The following NFKBIB variants were observed in gnomAD, a reference collection of about 807,000 sequenced individuals.
NFKBIB encodes the protein NF-kappa-B inhibitor beta.
Under a neutral mutation model 32.1 loss-of-function variants are expected in NFKBIB, and 16 were observed. The ratio of observed to expected loss-of-function variants is 0.50; its 90% CI spans 0.34 to 0.76. The LOEUF (loss-of-function observed/expected upper bound fraction) is 0.76, where lower values mean the gene tolerates loss of function less well. NFKBIB is among the 30% of genes least tolerant of loss of function. The pLI is 0.01. For missense variants in NFKBIB, 437 were observed against 514.9 expected, an observed-to-expected ratio of 0.85 and a Z score of 1.46; for synonymous variants, 222 against 219.5, an observed-to-expected ratio of 1.01 and a Z score of -0.10.
intron 1 of NFKBIB, among the ~76,000 whole-genome samples, chr19:38,901,214 T>A (rs1418596877): frequency 6.7e-6 from 1 of 149,656 alleles, no homozygotes; most frequent in African/African-American, 2.6e-5. Flanking sequence ...ACCAGCTTTA[T>A]AGTCTCGTTA....
At position 38,908,832 on chromosome 19, in the gene NFKBIB, ATTTG is replaced by A; in HGVS notation, c.*4_*7del. ...TTCCTGACGACCCCCGCCCCGTGTG[ATTTG>A]TTTCATTGTTAATATAATTTCCAGT... On this transcript the variant is annotated 3_prime_UTR_variant, in exon 6 of 6. Transcript: ENST00000313582. The A allele has an allele frequency of 6.2e-7, 1 of 1,610,004 alleles. No homozygotes were observed.
chr19:38,904,943 C>T, intron 1 of NFKBIB, 72 bp from the exon 2 acceptor site: 1 of 1,432,474 alleles, frequency 7.0e-7, no homozygotes, highest in African/African-American at 1.4e-5. Context: ...ACAGTAGGCG[C>T]CCCATGTTTG....
upstream of NFKBIB, chr19:38,899,926 T>C (rs1488659163): frequency 1.7e-6 from 2 of 1,167,956 alleles, no homozygotes; most frequent in Admixed American, 2.9e-5. Context: ...ATTGGGTGAA[T>C]CAGGGGGCGT....
chr19:38,900,105 G>T lies in NFKBIB; in HGVS notation c.73G>T (p.Gly25Cys). 1 of 1,571,142 alleles carries T rather than the reference G, an allele frequency of 6.4e-7. No individual in the cohort carries two copies. Among genetic ancestry groups the T allele is most frequent in the Non-Finnish European group, 8.6e-7 (1 of 1,163,460 alleles). Residue 25 changes from glycine to cysteine, a missense_variant, in exon 1 of 6, where the codon GGT becomes TGT. Coordinates refer to ENST00000313582, the MANE Select transcript of NFKBIB (RefSeq NM_002503.5). ...GTGCGACAGCGGCCTGGGCTCCCTG[G>T]GTCCGGACGCAGCGGCCCCCGGAGG... is the stretch of plus-strand genomic sequence containing the variant. ...EWCDSGLGSL[G>C]PDAAAPGGPG...
intron 1 of NFKBIB, among the ~76,000 whole-genome samples, chr19:38,901,221 GTTAA>G (rs1463133034): frequency 2.0e-5 from 3 of 148,900 alleles, no homozygotes; most frequent in Non-Finnish European, 2.9e-5. Context: ...TTATAGTCTC[GTTAA>G]TTTTCATTAA....
upstream of NFKBIB, chr19:38,899,873 G>A (rs201159769): frequency 2.6e-6 from 2 of 771,560 alleles, no homozygotes; most frequent in Non-Finnish European, 4.1e-6. Flanking sequence ...GATTGGTCAG[G>A]ATGCAGTACG....
At chr19:38,901,200 C>T (rs1012328111) in intron 1 of NFKBIB, among the ~76,000 whole-genome samples, 1 of 152,002 alleles carries the variant, frequency 6.6e-6, no homozygotes, top group Non-Finnish European at 1.5e-5. Context: ...GAATATTGAT[C>T]TCAACCAGCT....
chr19:38,906,015 A>G lies in NFKBIB; in HGVS notation c.619+480A>G, dbSNP rs186073026. Among the ~76,000 whole-genome samples the G allele has an allele frequency of 1.3e-4, 19 of 151,920 alleles. No homozygotes were observed. The East Asian group carries it at 3.7e-3, about 29-fold the overall frequency. On this transcript the variant is annotated intron_variant, in intron 3 of 5. Coordinates refer to ENST00000313582, the MANE Select transcript of NFKBIB (RefSeq NM_002503.5). Reference sequence around the variant, plus strand: ...CATCCAAGTTTCTGCTCCCCTGCCTATAAGCCCAGCCACCTGAGACCAGAC... The same window carrying G: ...CATCCAAGTTTCTGCTCCCCTGCCTGTAAGCCCAGCCACCTGAGACCAGAC...
At chr19:38,906,201 C>G (rs1480156579) in intron 3 of NFKBIB, among the ~76,000 whole-genome samples, 1 of 131,104 alleles carries the variant, frequency 7.6e-6, no homozygotes, top group East Asian at 2.4e-4. Flanking sequence ...GTGGCGTGAT[C>G]TTGGCTCACT....
At chr19:38,899,927 C>A, upstream of NFKBIB, 1 of 1,175,994 alleles carries the variant, frequency 8.5e-7, no homozygotes, top group Non-Finnish European at 1.2e-6. Flanking sequence ...TTGGGTGAAT[C>A]AGGGGGCGTG....
chr19:38,899,844 T>C (rs937661245), upstream of NFKBIB: 11 of 717,090 alleles, frequency 1.5e-5, no homozygotes, highest in Admixed American at 2.9e-5. Context: ...TAGAGAGTTG[T>C]AGTCCTCCCG....
In NFKBIB at chr19:38,907,205, A is replaced by G. The variant is rs1568416037; in HGVS notation, c.620-16A>G. ...GCCCTCACCTCATCATCTGACGCCA[A>G]TCACTCTGTCCCCAGGCCACACCCC... On this transcript the variant is annotated splice_polypyrimidine_tract_variant and intron_variant, in intron 3 of 5. Transcript: ENST00000313582. The G allele has an allele frequency of 6.9e-6, 11 of 1,598,776 alleles. No individual in the cohort carries two copies. The Middle Eastern group carries it at 5.0e-4, about 72-fold the overall frequency.
Position 38,905,215 on chromosome 19 carries a change from T to A in NFKBIB, c.299T>A (p.Leu100Gln). Residue 100 changes from leucine (L) to glutamine (Q), a missense_variant, in exon 3 of 6, where the codon CTG (leucine) becomes CAG (glutamine). Transcript: ENST00000313582. This position sits in a 1 kb window ranked among gnomAD's most constrained non-coding sequence, Gnocchi z 5.5. Reference sequence around the variant, plus strand: ...CTGCTTCTGCAGACAGCCCTGCACCTGGCAGCCATCCTGGGGGAGACATCC... The same window carrying A: ...CTGCTTCTGCAGACAGCCCTGCACCAGGCAGCCATCCTGGGGGAGACATCC... The part of the protein sequence containing the change: ...QNDLGQTALH[L>Q]AAILGETSTV... 6.3e-7 allele frequency: 1 copy of A among 1,592,894 alleles called. No homozygotes were observed. Among genetic ancestry groups the A allele is most frequent in the Non-Finnish European group, 8.6e-7 (1 of 1,169,154 alleles).
intron 1 of NFKBIB, among the ~76,000 whole-genome samples, chr19:38,901,462 T>G (rs564284282): frequency 1.3e-5 from 2 of 151,936 alleles, no homozygotes; most frequent in Non-Finnish European, 2.9e-5. Context: ...GCCTGGCAAA[T>G]TTTTAAATTT....
In NFKBIB at chr19:38,908,598, G is replaced by T. The variant is rs550336433; in HGVS notation, c.970-133G>T. ...TGGAGTTCTGAGAGCTAGGAAACTG[G>T]GAGGTTGAGCCAGGAGCAGGGGAAC... On this transcript the variant is annotated intron_variant, in intron 5 of 5. Coordinates refer to ENST00000313582, the MANE Select transcript of NFKBIB (RefSeq NM_002503.5). 24 of 1,384,186 alleles carry T rather than the reference G, an allele frequency of 1.7e-5. No homozygotes were observed. The African/African-American group carries it at 2.3e-4, about 13-fold the overall frequency. The allele number at this position is 1,384,186 out of a possible 1,614,324, so 85.7% of individuals were successfully genotyped here. A position where few individuals can be genotyped will look rare whatever the true frequency, so the allele number is the denominator to read the frequency against.
chr19:38,906,131 C>CTTTTTT (rs11300670), intron 3 of NFKBIB, among the ~76,000 whole-genome samples: 1,162 of 97,366 alleles, frequency 0.012, 65 homozygotes, highest in African/African-American at 0.035. Context: ...TACTTGGTAC[C>CTTTTTT]TTTTTTTTTT....
chr19:38,902,338 G>A (rs563025063), intron 1 of NFKBIB, among the ~76,000 whole-genome samples: 48 of 151,910 alleles, frequency 3.2e-4, no homozygotes, highest in Admixed American at 2.0e-3. Flanking sequence ...CCAAAGTGCT[G>A]GGATTACAGG....
Position 38,907,279 on chromosome 19 carries a change from C to T in NFKBIB, c.678C>T (p.Leu226=), listed in dbSNP as rs772141210. The T allele has an allele frequency of 6.2e-7, 1 of 1,613,750 alleles. No individual in the cohort carries two copies. The highest frequency in any genetic ancestry group is 8.5e-7 in the Non-Finnish European group (1 of 1,179,792). ...AAGATGTGGAGATGGTCCGGCTGCT[C>T]CGAGATGCTGGAGCTGACCTTGACA... ...IHKDVEMVRL[L]RDAGADLDKP... The change falls in exon 4 of 6, where the codon CTC becomes CTT. Residue 226 remains leucine (L), a synonymous_variant. Transcript: ENST00000313582.
rs1205539738 is a variant in NFKBIB, at chr19:38,908,437, G to A, written c.970-294G>A. ...GCCTATAATCCCAGCTACTTGGGAG[G>A]CTGAGGTAGGAGAATTGCTTGAACC... is the stretch of plus-strand genomic sequence containing the variant. On this transcript the variant is annotated intron_variant, in intron 5 of 5. Coordinates refer to ENST00000313582, the MANE Select transcript of NFKBIB (RefSeq NM_002503.5). The A allele has an allele frequency of 3.4e-6, 3 of 880,800 alleles. No individual in the cohort carries two copies. In the African/African-American group the frequency reaches 5.3e-5, roughly 15 times the overall value. 54.6% of individuals were successfully genotyped at this position (880,800 alleles called of 1,614,324 possible). A position where few individuals can be genotyped will look rare whatever the true frequency, so the allele number is the denominator to read the frequency against.
Sources: allele counts gnomAD v4.1 joint callset (sites outside exome capture counted in the v4.1 genomes callset), GRCh38; gene constraint gnomAD v4.1.1; non-coding constraint Gnocchi (gnomAD v3.1); transcripts MANE v1.5; gene names NCBI Gene and HGNC (gene_info 2026-07-23, HGNC 2026-07-21).